Variants in AGFG1 observed in about 807,000 individuals in gnomAD.
AGFG1 encodes ArfGAP with FG repeats 1.
In AGFG1, 10 loss-of-function variants were observed where a neutral mutation model predicts 60.6. That is an observed-to-expected ratio of 0.16 (90% CI 0.10 to 0.28). The LOEUF (loss-of-function observed/expected upper bound fraction) is 0.28. Ranked by LOEUF, AGFG1 falls within the 10% of genes least tolerant of loss-of-function variation. AGFG1 has a pLI of 1.00. For synonymous variants in AGFG1, 247 were observed against 242.9 expected (o/e 1.02, Z -0.16); for missense variants, 537 against 676.5 (o/e 0.79, Z 2.29).
chr2:227,528,258 G>A (rs952339534), intron 5 of AGFG1, among the ~76,000 whole-genome samples: 1 of 152,096 alleles, frequency 6.6e-6, no homozygotes, highest in African/African-American at 2.4e-5. Context: ...TTAAAAAGGA[G>A]TCCTAGGATG....
At chr2:227,483,832 G>T (rs1485853516) in intron 1 of AGFG1, among the ~76,000 whole-genome samples, 1 of 152,178 alleles carries the variant, frequency 6.6e-6, no homozygotes, top group African/African-American at 2.4e-5. Flanking sequence ...GGGCTAGGTT[G>T]TATGGCACAT....
intron 2 of AGFG1, among the ~76,000 whole-genome samples, chr2:227,506,041 C>G (rs1288359021): frequency 6.6e-6 from 1 of 152,156 alleles, no homozygotes; most frequent in Admixed American, 6.5e-5. Flanking sequence ...TGCACCCAGC[C>G]TGTAATATGT....
At chr2:227,531,521 G>C (rs1178442476) in intron 6 of AGFG1, among the ~76,000 whole-genome samples, 1 of 114,714 alleles carries the variant, frequency 8.7e-6, no homozygotes, top group Non-Finnish European at 1.7e-5. Flanking sequence ...CTCTCTCTCT[G>C]TCTCTTTTTT....
intron 1 of AGFG1, among the ~76,000 whole-genome samples, chr2:227,484,712 T>G (rs1690574449): frequency 1.2e-5 from 1 of 81,494 alleles, no homozygotes; most frequent in Non-Finnish European, 2.4e-5. Context: ...TTTTTTTTTT[T>G]TTTTTTTTTG....
chr2:227,530,619 T>TA (rs1157132003), intron 5 of AGFG1, among the ~76,000 whole-genome samples: 3 of 151,608 alleles, frequency 2.0e-5, no homozygotes, highest in Admixed American at 1.3e-4. Flanking sequence ...TTTGTAAACT[T>TA]AAAAAAAGCT....
intron 10 of AGFG1, among the ~76,000 whole-genome samples, chr2:227,542,859 A>C (rs1489175673): frequency 8.5e-6 from 1 of 118,136 alleles, no homozygotes; most frequent in Admixed American, 9.4e-5. Flanking sequence ...CAGGGATTCA[A>C]CTTCATCCTG....
chr2:227,524,316 A>G lies in AGFG1; in HGVS notation c.540+391A>G, dbSNP rs542625342. On this transcript the variant is annotated intron_variant, in intron 4 of 12. Coordinates refer to ENST00000310078, the MANE Select transcript of AGFG1 (RefSeq NM_004504.5). ...CACTTTTCTAGGAAGGGATTTCTTT[A>G]GTAGTAGAGTTTTCCCACATGTGTG... 2.0e-5 allele frequency among the ~76,000 whole-genome samples: 3 copies of G among 152,282 alleles called. No homozygotes were observed. In the South Asian group the frequency reaches 6.2e-4, roughly 32 times the overall value.
At chr2:227,530,898 G>T (rs1460017069) in intron 5 of AGFG1, among the ~76,000 whole-genome samples, 193 bp from the exon 6 acceptor site, 2 of 152,088 alleles carry the variant, frequency 1.3e-5, no homozygotes, top group African/African-American at 4.8e-5. Flanking sequence ...GAAATTCTTG[G>T]TTACTCCTTA....
At chr2:227,524,640 G>T (rs779857833) in intron 4 of AGFG1, 122 bp from the exon 5 acceptor site, 139 of 991,796 alleles carry the variant, frequency 1.4e-4, no homozygotes, top group Non-Finnish European at 2.0e-4. Flanking sequence ...AAATGAGAAA[G>T]GTTAACTCAG....
chr2:227,523,357 A>C (rs1691879023), intron 3 of AGFG1, among the ~76,000 whole-genome samples: 1 of 152,184 alleles, frequency 6.6e-6, no homozygotes. Context: ...AATATTACAA[A>C]TGTTTTCCTA....
chr2:227,476,704 TTAG>T (rs1559162994), intron 1 of AGFG1, among the ~76,000 whole-genome samples: 1 of 152,176 alleles, frequency 6.6e-6, no homozygotes, highest in Non-Finnish European at 1.5e-5. Context: ...TTTTATACAA[TTAG>T]TAGCATTAGG....
intron 2 of AGFG1, 38 bp downstream of exon 2, chr2:227,491,678 T>C: frequency 3.1e-6 from 4 of 1,301,410 alleles, no homozygotes; most frequent in Non-Finnish European, 4.2e-6. Flanking sequence ...TTTTTGACTT[T>C]TTTGTTGGCA....
chr2:227,481,464 A>G (rs1690460212), intron 1 of AGFG1, among the ~76,000 whole-genome samples: 1 of 152,128 alleles, frequency 6.6e-6, no homozygotes, highest in Non-Finnish European at 1.5e-5. Context: ...ACCTGTATCC[A>G]GTTCCTTCAG....
At chr2:227,553,395 C>T (rs775440353) in intron 11 of AGFG1, among the ~76,000 whole-genome samples, 1 of 150,798 alleles carries the variant, frequency 6.6e-6, no homozygotes, top group Non-Finnish European at 1.5e-5. Flanking sequence ...ACTCGGGAAA[C>T]TGAGGTGGAA....
chr2:227,477,899 C>T (rs1185818940), intron 1 of AGFG1, among the ~76,000 whole-genome samples: 1 of 152,122 alleles, frequency 6.6e-6, no homozygotes, highest in Non-Finnish European at 1.5e-5. Context: ...CATGAGCCAC[C>T]ATGCCCAGCC....
Position 227,523,769 on chromosome 2 carries a change from C to T in AGFG1, c.384C>T (p.Val128=), listed in dbSNP as rs776398207. ...TGTTTTTTACATGTTTTAGGTATGT[C>T]CCGCCAGAACAAGCCAAAGTCGTGG... ...QEKYEKKRWY[V]PPEQAKVVAS... Residue 128 remains valine, a synonymous_variant, in exon 4 of 13, where the codon GTC becomes GTT. Coordinates refer to ENST00000310078, the MANE Select transcript of AGFG1 (RefSeq NM_004504.5). 3.7e-6 allele frequency: 6 copies of T among 1,610,298 alleles called. No homozygotes were observed. Among genetic ancestry groups the T allele is most frequent in the Non-Finnish European group, 4.2e-6 (5 of 1,177,652 alleles).
intron 2 of AGFG1, among the ~76,000 whole-genome samples, chr2:227,497,750 T>TGGGGACGGAG (rs1691025962): frequency 7.6e-6 from 1 of 131,748 alleles, no homozygotes; most frequent in African/African-American, 2.9e-5. Context: ...TTTTTTTTTT[T>TGGGGACGGAG]TTTTTTTTTT....
At position 227,546,541 on chromosome 2, in the gene AGFG1, T is replaced by C. The variant is rs527737201; in HGVS notation, c.1379-5418T>C. ...ATGAACCCAGTACCTCAGTTGGAAA[T>C]GCAGAAATCACCCTTCTTCTGCGTC... On this transcript the variant is annotated intron_variant, in intron 10 of 12. Coordinates refer to ENST00000310078, the MANE Select transcript of AGFG1 (RefSeq NM_004504.5). 5.9e-5 allele frequency among the ~76,000 whole-genome samples: 9 copies of C among 152,304 alleles called. No homozygotes were observed. In the South Asian group the frequency reaches 1.9e-3, roughly 32 times the overall value.
chr2:227,475,006 A>G (rs768010489), intron 1 of AGFG1, among the ~76,000 whole-genome samples: 2 of 152,222 alleles, frequency 1.3e-5, no homozygotes, highest in African/African-American at 2.4e-5. Context: ...CAAGTGCCCT[A>G]TAGATGAGAA....
Sources: allele counts gnomAD v4.1 joint callset (sites outside exome capture counted in the v4.1 genomes callset), GRCh38; gene constraint gnomAD v4.1.1; transcripts MANE v1.5; gene names NCBI Gene and HGNC (gene_info 2026-07-23, HGNC 2026-07-21).